Variants in IQCM observed in about 807,000 individuals in gnomAD.
IQCM encodes IQ motif containing M.
A neutral mutation model predicts 57.6 loss-of-function variants in IQCM; 45 were observed. That is an observed-to-expected ratio of 0.78 (90% CI 0.62 to 1.00). The LOEUF (loss-of-function observed/expected upper bound fraction) is 1.00, where lower values mean the gene tolerates loss of function less well. Ranked by LOEUF, IQCM falls within the 50% of genes least tolerant of loss-of-function variation. The pLI is 0.00. For synonymous variants in IQCM, 148 were observed against 158.9 expected, an observed-to-expected ratio of 0.93 and a Z score of 0.51; for missense variants, 468 against 511.6, an observed-to-expected ratio of 0.91 and a Z score of 0.82.
intron 8 of IQCM, among the ~76,000 whole-genome samples, chr4:149,611,343 A>G (rs1047691708): frequency 4.6e-5 from 7 of 152,138 alleles, no homozygotes; most frequent in Non-Finnish European, 1.5e-5. Context: ...GTATATATCC[A>G]AAGGAAAGGA....
intron 2 of IQCM, among the ~76,000 whole-genome samples, chr4:149,801,125 C>T (rs1773565799): frequency 6.6e-6 from 1 of 151,736 alleles, no homozygotes; most frequent in Non-Finnish European, 1.5e-5. Context: ...GACAAACAGG[C>T]ATATGAAAGG....
At chr4:149,399,721 G>A (rs1271412401) in intron 13 of IQCM, among the ~76,000 whole-genome samples, 1 of 151,996 alleles carries the variant, frequency 6.6e-6, no homozygotes, top group Admixed American at 6.6e-5. Context: ...TGCAACTTCT[G>A]GCAGGCTGCT....
At chr4:149,428,067 A>T (rs922229825) in intron 13 of IQCM, among the ~76,000 whole-genome samples, 1 of 151,952 alleles carries the variant, frequency 6.6e-6, no homozygotes, top group African/African-American at 2.4e-5. Flanking sequence ...GATATAAAAT[A>T]TATAGAGCTC....
At chr4:149,374,043 A>G (rs566917797) in intron 13 of IQCM, among the ~76,000 whole-genome samples, 54 of 152,198 alleles carry the variant, frequency 3.5e-4, no homozygotes, top group Admixed American at 5.9e-4. Flanking sequence ...CAGTAGCAGC[A>G]GCAGCGGCAG....
Position 149,351,818 on chromosome 4 carries a change from GT to G in IQCM, c.*132del, listed in dbSNP as rs34938197. 110,318 of 393,242 alleles carry G rather than the reference GT, an allele frequency of 0.28. 15,834 individuals are homozygous for G. The highest frequency in any genetic ancestry group is 0.31 in the Middle Eastern group (492 of 1,574). The allele number at this position is 393,242 out of a possible 1,614,324, so 24.4% of individuals were successfully genotyped here. On this transcript the variant is annotated 3_prime_UTR_variant, in exon 14 of 14. Coordinates refer to ENST00000636793, the MANE Select transcript of IQCM (RefSeq NM_001363507.2). The stretch of plus-strand genomic sequence containing the variant: ...AATACTAGAAATTATAGATAAACTT[GT>G]CAAAGTTCTTTCTATATTCAAAGAT...
chr4:149,564,980 T>C (rs1348552203), intron 9 of IQCM, among the ~76,000 whole-genome samples: 1 of 152,194 alleles, frequency 6.6e-6, no homozygotes, highest in Non-Finnish European at 1.5e-5. Flanking sequence ...TATATACCTG[T>C]TATGTTTTAC....
intron 9 of IQCM, among the ~76,000 whole-genome samples, chr4:149,571,050 AT>A (rs1389218768): frequency 6.6e-6 from 1 of 152,086 alleles, no homozygotes; most frequent in East Asian, 1.9e-4. Flanking sequence ...GTTGGTGGGA[AT>A]GTAAATTAGC....
intron 2 of IQCM, among the ~76,000 whole-genome samples, chr4:149,811,746 C>A (rs1181589715): frequency 6.6e-6 from 1 of 152,152 alleles, no homozygotes; most frequent in Non-Finnish European, 1.5e-5. Context: ...TCCTTTTTCT[C>A]TCTTCCTGGG....
At chr4:149,418,035 T>C (rs1176200718) in intron 13 of IQCM, among the ~76,000 whole-genome samples, 1 of 151,658 alleles carries the variant, frequency 6.6e-6, no homozygotes, top group Non-Finnish European at 1.5e-5. Context: ...ATTGACACCC[T>C]AACATCACAA....
intron 5 of IQCM, among the ~76,000 whole-genome samples, chr4:149,715,928 T>C (rs1420291527): frequency 6.6e-6 from 1 of 152,198 alleles, no homozygotes; most frequent in Non-Finnish European, 1.5e-5. Flanking sequence ...TGTCCAAGTC[T>C]GGCTGAGTCC....
At chr4:149,482,118 T>C (rs1407018696) in intron 12 of IQCM, among the ~76,000 whole-genome samples, 4 of 152,020 alleles carry the variant, frequency 2.6e-5, no homozygotes, top group Non-Finnish European at 4.4e-5. Context: ...ACATTTTATA[T>C]GTTGACTTTG....
At chr4:149,529,039 AT>A (rs1395168991) in intron 12 of IQCM, among the ~76,000 whole-genome samples, 1 of 152,110 alleles carries the variant, frequency 6.6e-6, no homozygotes, top group Non-Finnish European at 1.5e-5. Flanking sequence ...AAAGTTTATT[AT>A]GAAAAGCAAA....
intron 12 of IQCM, among the ~76,000 whole-genome samples, chr4:149,483,407 G>C (rs1423860738): frequency 2.6e-5 from 4 of 151,606 alleles, no homozygotes; most frequent in African/African-American, 4.8e-5. Flanking sequence ...GGTTCTTATA[G>C]CTATAAATTT....
In IQCM at chr4:149,682,108, T is replaced by C; in HGVS notation, c.565+10A>G. ...ATGTGCTGCTACCAACATTTATGTA[T>C]AAGACTCACCAGGTTCTTTCAGAAG... On this transcript the variant is annotated intron_variant, in intron 7 of 13. Transcript: ENST00000636793. The C allele has an allele frequency of 8.8e-7, 1 of 1,131,500 alleles. No individual in the cohort carries two copies. 70.1% of individuals were successfully genotyped at this position (1,131,500 alleles called of 1,614,324 possible).
chr4:149,471,064 G>C (rs1000416503), intron 12 of IQCM, among the ~76,000 whole-genome samples: 1 of 151,976 alleles, frequency 6.6e-6, no homozygotes, highest in African/African-American at 2.4e-5. Context: ...AAGAACTGGA[G>C]AAGCAAGAGC....
chr4:149,550,475 T>C (rs1266049264), intron 11 of IQCM, among the ~76,000 whole-genome samples: 1 of 152,178 alleles, frequency 6.6e-6, no homozygotes, highest in Non-Finnish European at 1.5e-5. Flanking sequence ...ATCCTTGAAT[T>C]AATCACTTTA....
chr4:149,497,108 T>G (rs1324088145), intron 12 of IQCM, among the ~76,000 whole-genome samples: 1 of 152,076 alleles, frequency 6.6e-6, no homozygotes, highest in Non-Finnish European at 1.5e-5. Flanking sequence ...CTTTCTTTAA[T>G]GTATGGGGCA....
chr4:149,808,383 A>G (rs1774267880), intron 2 of IQCM, among the ~76,000 whole-genome samples: 1 of 152,154 alleles, frequency 6.6e-6, no homozygotes, highest in Non-Finnish European at 1.5e-5. Flanking sequence ...TAGAGAATAG[A>G]ATAGTGGTTA....
At chr4:149,486,371 T>C (rs2149764609) in intron 12 of IQCM, among the ~76,000 whole-genome samples, 1 of 152,170 alleles carries the variant, frequency 6.6e-6, no homozygotes, top group East Asian at 1.9e-4. Context: ...TCCTTCCCAC[T>C]CTTCCCTCCA....
Sources: gnomAD v4.1 joint callset for allele counts (sites outside exome capture counted in the v4.1 genomes callset) on GRCh38, gnomAD v4.1.1 for gene constraint, MANE v1.5 for transcripts, NCBI Gene and HGNC (gene_info 2026-07-23, HGNC 2026-07-21) for gene names.